PRKDC: variants seen among roughly 807,000 people sequenced by gnomAD.
PRKDC encodes the protein protein kinase, DNA-activated, catalytic subunit, also known as DNA-dependent protein kinase catalytic subunit.
PRKDC carries 82 observed loss-of-function variants against 486.9 expected under a neutral mutation model. The ratio of observed to expected loss-of-function variants is 0.17; its 90% CI spans 0.14 to 0.20. The LOEUF is 0.20. PRKDC is among the 10% of genes least tolerant of loss of function. PRKDC has a pLI of 1.00. For synonymous variants in PRKDC, 1,895 were observed against 1,837.0 expected (o/e 1.03, Z -0.81); for missense variants, 4,504 against 5,038.2 (o/e 0.89, Z 3.21).
chr8:47,913,181 A>G (rs1238396346), intron 24 of PRKDC, among the ~76,000 whole-genome samples: 2 of 152,208 alleles, frequency 1.3e-5, no homozygotes, highest in Non-Finnish European at 2.9e-5. Flanking sequence ...AACTAGTGTG[A>G]TTTGCTACAC....
chr8:47,939,453 G>T, intron 11 of PRKDC, 98 bp downstream of exon 11: 1 of 1,358,486 alleles, frequency 7.4e-7, no homozygotes, highest in Non-Finnish European at 1.0e-6. Context: ...CTACTGTATT[G>T]TTACAAGTAT....
intron 78 of PRKDC, among the ~76,000 whole-genome samples, chr8:47,783,208 G>A (rs192665191): frequency 4.0e-5 from 6 of 150,872 alleles, no homozygotes; most frequent in Middle Eastern, 3.4e-3. Context: ...AACCCAGGGT[G>A]TGGAGGTTGC....
chr8:47,954,532 G>T (rs1037167326), intron 4 of PRKDC, 86 bp from the exon 5 acceptor site: 42 of 476,930 alleles, frequency 8.8e-5, no homozygotes, highest in African/African-American at 7.2e-4. Context: ...TCTAAAGAGG[G>T]AAATAACGGG....
intron 76 of PRKDC, among the ~76,000 whole-genome samples, chr8:47,786,139 G>A (rs987069300): frequency 6.6e-6 from 1 of 151,322 alleles, no homozygotes; most frequent in Non-Finnish European, 1.5e-5. Flanking sequence ...TTGACCAGGC[G>A]CGGTGGCTCA....
chr8:47,858,838 G>A lies in PRKDC; in HGVS notation c.6345+11C>T. 1 of 1,611,542 alleles carries A rather than the reference G, an allele frequency of 6.2e-7. No individual in the cohort carries two copies. Among genetic ancestry groups the A allele is most frequent in the Non-Finnish European group, 8.5e-7 (1 of 1,178,260 alleles). On this transcript the variant is annotated intron_variant, in intron 47 of 85. Coordinates refer to ENST00000314191, the MANE Select transcript of PRKDC (RefSeq NM_006904.7). ...TATAGTATTAACAGGTAAGATGAGTGGGAAAAGCACCTCTTCTCCTTGAGG... is the reference window on the plus strand; with the variant it reads ...TATAGTATTAACAGGTAAGATGAGTAGGAAAAGCACCTCTTCTCCTTGAGG...
intron 1 of PRKDC, chr8:47,959,148 C>T (rs887767860): frequency 6.6e-6 from 1 of 152,110 alleles, no homozygotes; most frequent in African/African-American, 2.4e-5. Flanking sequence ...GGTCTGCATA[C>T]TCGTGTTTTA....
chr8:47,931,039 A>G (rs2090242392), intron 16 of PRKDC, among the ~76,000 whole-genome samples: 1 of 152,262 alleles, frequency 6.6e-6, no homozygotes. Flanking sequence ...AGAGGTGGGC[A>G]GCACTTCTTG....
intron 13 of PRKDC, among the ~76,000 whole-genome samples, 167 bp downstream of exon 13, chr8:47,935,565 G>C (rs966907483): frequency 6.6e-6 from 1 of 151,700 alleles, no homozygotes; most frequent in Non-Finnish European, 1.5e-5. Flanking sequence ...AAAATTCAGA[G>C]GTAATAGGAT....
intron 21 of PRKDC, among the ~76,000 whole-genome samples, chr8:47,924,696 AAC>A (rs1457047766): frequency 6.6e-6 from 1 of 152,018 alleles, no homozygotes; most frequent in Non-Finnish European, 1.5e-5. Context: ...GTAACACACA[AAC>A]ACACACTCTC....
intron 5 of PRKDC, 142 bp from the exon 6 acceptor site, chr8:47,954,061 G>A: frequency 1.9e-6 from 1 of 534,756 alleles, no homozygotes; most frequent in South Asian, 3.5e-5. Flanking sequence ...AAGCTTTTAG[G>A]ACTGCATTCT....
chr8:47,952,817 A>C (rs958025727), intron 7 of PRKDC, among the ~76,000 whole-genome samples: 1 of 152,104 alleles, frequency 6.6e-6, no homozygotes, highest in East Asian at 1.9e-4. Context: ...CAGCCTGGCC[A>C]ACATGGTGAA....
chr8:47,866,896 A>T (rs993808654), intron 40 of PRKDC, among the ~76,000 whole-genome samples: 1 of 152,154 alleles, frequency 6.6e-6, no homozygotes, highest in Non-Finnish European at 1.5e-5. Context: ...CAGCATTATT[A>T]TTATTATTTT....
At chr8:47,786,708 A>C in intron 76 of PRKDC, among the ~76,000 whole-genome samples, 1 of 150,524 alleles carries the variant, frequency 6.6e-6, no homozygotes, top group Middle Eastern at 3.4e-3. Flanking sequence ...TAAACCAGAA[A>C]AAATATTATT....
At chr8:47,902,429 A>T in intron 27 of PRKDC, 140 bp downstream of exon 27, 1 of 584,006 alleles carries the variant, frequency 1.7e-6, no homozygotes, top group Non-Finnish European at 2.6e-6. Flanking sequence ...TTCACTTTTT[A>T]ATTTCCAGAA....
At chr8:47,843,540 A>G (rs1316560202) in intron 54 of PRKDC, among the ~76,000 whole-genome samples, 1 of 152,188 alleles carries the variant, frequency 6.6e-6, no homozygotes, top group African/African-American at 2.4e-5. Flanking sequence ...AATTCAAGAA[A>G]TTCATAGAAC....
At chr8:47,779,187 C>A in intron 80 of PRKDC, 94 bp from the exon 81 acceptor site, 1 of 890,776 alleles carries the variant, frequency 1.1e-6, no homozygotes, top group Non-Finnish European at 1.7e-6. Flanking sequence ...TGAAAAATAG[C>A]AAAGAGGCAG....
Position 47,939,624 on chromosome 8 carries a change from C to T in PRKDC, c.1040G>A (p.Gly347Glu), listed in dbSNP as rs1589807185. Residue 347 changes from glycine to glutamate, a missense_variant, in exon 11 of 86, where the codon GGA (glycine) becomes GAA (glutamate). This residue lies in a region of PRKDC where 1,969 missense variants were observed against 2,068.9 expected (regional missense o/e 0.95). Coordinates refer to ENST00000314191, the MANE Select transcript of PRKDC (RefSeq NM_006904.7). ...GTTCGAATCCACATTTCTGATGATT[C>T]CATAAAACTGCTCCATAAAGTACTG... ...KLQYFMEQFY[G>E]IIRNVDSNNK... The T allele has an allele frequency of 1.9e-6, 3 of 1,613,234 alleles. 1 individual carries two copies. The highest frequency in any genetic ancestry group is 2.5e-6 in the Non-Finnish European group (3 of 1,179,418).
chr8:47,953,738 GA>G lies in PRKDC; in HGVS notation c.622-20del. 1 of 1,599,620 alleles carries G rather than the reference GA, an allele frequency of 6.3e-7. No individual in the cohort carries two copies. The highest frequency in any genetic ancestry group is 8.5e-7 in the Non-Finnish European group (1 of 1,172,346). On this transcript the variant is annotated intron_variant, in intron 6 of 85. Coordinates refer to ENST00000314191, the MANE Select transcript of PRKDC (RefSeq NM_006904.7). ...ATGTCATCTAAAAGAAAAGATTTAA[GA>G]AGATGTCATTACAAGAGAAAAACAC...
At chr8:47,910,831 G>A (rs1325398933) in intron 25 of PRKDC, among the ~76,000 whole-genome samples, 1 of 136,314 alleles carries the variant, frequency 7.3e-6, no homozygotes, top group African/African-American at 3.6e-5. Context: ...TTTATTCCTA[G>A]ACATTTTTTT....
Sources: gnomAD v4.1 joint callset for allele counts (sites outside exome capture counted in the v4.1 genomes callset) on GRCh38, gnomAD v4.1.1 for gene constraint, gnomAD v4.1.1 regional missense constraint, MANE v1.5 for transcripts, NCBI Gene and HGNC (gene_info 2026-07-23, HGNC 2026-07-21) for gene names.